Variants in CADM2 observed in about 807,000 individuals in gnomAD.
CADM2 encodes cell adhesion molecule 2.
CADM2 carries 12 observed loss-of-function variants against 49.8 expected under a neutral mutation model. That is an observed-to-expected ratio of 0.24 (90% confidence interval 0.15 to 0.39). The LOEUF is 0.39. Ranked by LOEUF, CADM2 falls within the 10% of genes least tolerant of loss-of-function variation. CADM2 has a pLI of 1.00. For missense variants in CADM2, 378 were observed against 492.3 expected (o/e 0.77, Z 2.20); for synonymous variants, 214 against 175.4 (o/e 1.22, Z -1.74).
intron 1 of CADM2, among the ~76,000 whole-genome samples, chr3:84,962,400 T>C (rs147660885): frequency 1.6e-3 from 194 of 121,936 alleles, no homozygotes; most frequent in African/African-American, 5.7e-3. Flanking sequence ...TTTGTTGATA[T>C]TGTCAGTTTT....
chr3:85,289,756 T>C (rs947468807), intron 1 of CADM2, among the ~76,000 whole-genome samples: 2 of 152,230 alleles, frequency 1.3e-5, no homozygotes, highest in African/African-American at 4.8e-5. Flanking sequence ...TAGTATATAA[T>C]AACAAACACT....
chr3:85,953,749 A>G (rs1723723758), intron 7 of CADM2, among the ~76,000 whole-genome samples: 1 of 150,982 alleles, frequency 6.6e-6, no homozygotes, highest in Admixed American at 6.6e-5. Flanking sequence ...AAAAACTTGC[A>G]CAGATGTTTT....
intron 1 of CADM2, among the ~76,000 whole-genome samples, chr3:85,031,713 G>A (rs1037279879): frequency 1.3e-5 from 2 of 151,784 alleles, no homozygotes; most frequent in Non-Finnish European, 2.9e-5. Context: ...GTAGATACGG[G>A]GTTTCACAGT....
At chr3:85,487,310 T>C (rs1325291570) in intron 1 of CADM2, among the ~76,000 whole-genome samples, 1 of 152,086 alleles carries the variant, frequency 6.6e-6, no homozygotes, top group Non-Finnish European at 1.5e-5. Context: ...AGCCAGGAGT[T>C]CAAAACGATA....
chr3:85,356,464 A>T (rs1384083831), intron 1 of CADM2, among the ~76,000 whole-genome samples: 2 of 152,076 alleles, frequency 1.3e-5, no homozygotes, highest in Non-Finnish European at 2.9e-5. Context: ...GTCCATGCAG[A>T]ATCTACAGGC....
intron 1 of CADM2, among the ~76,000 whole-genome samples, chr3:85,319,994 C>T (rs575515650): frequency 1.4e-4 from 22 of 152,266 alleles, no homozygotes; most frequent in African/African-American, 4.6e-4. Context: ...CCCTCCTTTA[C>T]AGATAGGAGC....
intron 8 of CADM2, chr3:86,014,550 A>G: frequency 1.3e-6 from 2 of 1,589,734 alleles, no homozygotes; most frequent in Non-Finnish European, 8.6e-7. Context: ...AGCCTCTGAG[A>G]GTTACTATAA....
rs929340561 is a variant in CADM2 at position 85,417,473 on chromosome 3, T to C, written c.62-309049T>C. Among the ~76,000 whole-genome samples the C allele has an allele frequency of 3.9e-5, 6 of 152,192 alleles. No homozygotes were observed. The East Asian group carries it at 7.7e-4, about 20-fold the overall frequency. On this transcript the variant is annotated intron_variant, in intron 1 of 9. Transcript: ENST00000383699. ...TTTTAAACGATGTCACCAACCTATG[T>C]TAAGAAAGTCACAAGACCTAATCAA...
intron 1 of CADM2, among the ~76,000 whole-genome samples, chr3:85,567,766 A>G (rs2062311104): frequency 6.6e-6 from 1 of 152,238 alleles, no homozygotes; most frequent in African/African-American, 2.4e-5. Context: ...AGAAACAAGG[A>G]GGCTGGTAGC....
At chr3:85,986,328 T>A (rs1316281174) in intron 8 of CADM2, among the ~76,000 whole-genome samples, 1 of 152,096 alleles carries the variant, frequency 6.6e-6, no homozygotes, top group Non-Finnish European at 1.5e-5. Flanking sequence ...TCTGAGTTAA[T>A]CACCATAAAT....
intron 1 of CADM2, among the ~76,000 whole-genome samples, chr3:85,200,254 C>T (rs1576102578): frequency 1.3e-5 from 2 of 151,968 alleles, no homozygotes; most frequent in African/African-American, 2.4e-5. Context: ...AGGCACAATA[C>T]GGTCATTAAT....
chr3:85,772,147 A>G (rs1000152111), intron 2 of CADM2, among the ~76,000 whole-genome samples: 1 of 151,778 alleles, frequency 6.6e-6, no homozygotes, highest in Non-Finnish European at 1.5e-5. Flanking sequence ...TCCTAACCAT[A>G]GCATTTATGA....
chr3:85,144,847 A>G (rs1300790347), intron 1 of CADM2, among the ~76,000 whole-genome samples: 2 of 152,200 alleles, frequency 1.3e-5, no homozygotes, highest in Non-Finnish European at 2.9e-5. Flanking sequence ...ATATAATCAC[A>G]ATGTTTTTGA....
intron 1 of CADM2, among the ~76,000 whole-genome samples, chr3:85,215,465 C>CT (rs572617965): frequency 4.3e-4 from 65 of 151,094 alleles, no homozygotes; most frequent in African/African-American, 1.6e-3. Context: ...GGTTGAAGTC[C>CT]TTTTTACTCT....
chr3:86,010,675 G>T (rs1441932343), intron 8 of CADM2, among the ~76,000 whole-genome samples: 2 of 150,822 alleles, frequency 1.3e-5, no homozygotes, highest in African/African-American at 4.8e-5. Context: ...AAAAAATAAT[G>T]AAAAATTTAA....
chr3:85,980,852 C>CT (rs1212814247), intron 8 of CADM2, among the ~76,000 whole-genome samples: 1 of 151,306 alleles, frequency 6.6e-6, no homozygotes, highest in East Asian at 1.9e-4. Flanking sequence ...GATATATTGA[C>CT]TTTTTTTAAA....
chr3:85,593,401 TTTTTTCATCTATAAAA>T (rs1559931388), intron 1 of CADM2, among the ~76,000 whole-genome samples: 1 of 151,972 alleles, frequency 6.6e-6, no homozygotes, highest in Non-Finnish European at 1.5e-5. Context: ...AGAGCCTCAA[TTTTTTCATCTATAAAA>T]TGAACAGAGT....
intron 1 of CADM2, among the ~76,000 whole-genome samples, chr3:85,718,172 T>C (rs74968749): frequency 8.5e-4 from 129 of 152,346 alleles, no homozygotes; most frequent in African/African-American, 2.9e-3. Context: ...TATGTATATA[T>C]AACCCATAAA....
In CADM2 at chr3:86,066,778, A is replaced by G. The variant is rs1203224312; in HGVS notation, c.1210A>G (p.Ile404Val). 2 of 1,602,040 alleles carry G rather than the reference A, an allele frequency of 1.2e-6. No homozygotes were observed. Among genetic ancestry groups the G allele is most frequent in the East Asian group, 2.2e-5 (1 of 44,784 alleles). ...TGCTGAAGAGAAAAAAGAGTATTTC[A>G]TTTAAGATGCAGGCCAAGATTCTGA... ...VNAEEKKEYF[I>V] Residue 404 changes from isoleucine to valine, a missense_variant, in exon 10 of 10, where the codon ATT (isoleucine) becomes GTT (valine). Ile to Val is a conservative substitution (Grantham distance 29, BLOSUM62 3). Transcript: ENST00000383699.
Sources: allele counts gnomAD v4.1 joint callset (sites outside exome capture counted in the v4.1 genomes callset), GRCh38; gene constraint gnomAD v4.1.1; transcripts MANE v1.5; gene names NCBI Gene and HGNC (gene_info 2026-07-23, HGNC 2026-07-21).